JAK1: variants seen among roughly 807,000 people sequenced by gnomAD.
The protein encoded by JAK1 is tyrosine-protein kinase JAK1.
A neutral mutation model predicts 136.6 loss-of-function variants in JAK1; 16 were observed. The ratio of observed to expected loss-of-function variants is 0.12; its 90% CI spans 0.08 to 0.18. JAK1 has a LOEUF of 0.18. Among genes scored for constraint, JAK1 ranks in the 10% least tolerant of loss-of-function variants. JAK1 has a pLI of 1.00. For synonymous variants in JAK1, 492 were observed against 519.5 expected, an observed-to-expected ratio of 0.95 and a Z score of 0.72; for missense variants, 859 against 1,450.1, an observed-to-expected ratio of 0.59 and a Z score of 6.62.
At chr1:64,960,038 A>G (rs1272559734) in intron 1 of JAK1, among the ~76,000 whole-genome samples, 1 of 152,114 alleles carries the variant, frequency 6.6e-6, no homozygotes, top group East Asian at 1.9e-4. Flanking sequence ...ACCAGCCTGA[A>G]TAACAGAATG....
In JAK1 at chr1:64,834,392, T is replaced by C; in HGVS notation, c.*170A>G. ...TTTAAAGAGGAAGTCCTTACACATA[T>C]TAAGCACTACAGTGTGCCTTATACA... On this transcript the variant is annotated 3_prime_UTR_variant, in exon 25 of 25. Coordinates refer to ENST00000342505, the MANE Select transcript of JAK1 (RefSeq NM_002227.4). 2.0e-6 allele frequency: 1 copy of C among 510,956 alleles called. No individual in the cohort carries two copies. The highest frequency in any genetic ancestry group is 3.6e-6 in the Non-Finnish European group (1 of 280,800). The allele number at this position is 510,956 out of a possible 1,614,324, so 31.7% of individuals were successfully genotyped here.
intron 1 of JAK1, among the ~76,000 whole-genome samples, chr1:64,909,942 T>C (rs1645254329): frequency 6.6e-6 from 1 of 152,222 alleles, no homozygotes; most frequent in South Asian, 2.1e-4. Context: ...TGGAGGTAAT[T>C]TGCTCTCTTT....
chr1:64,866,805 A>G, intron 7 of JAK1, 61 bp downstream of exon 7: 1 of 1,270,656 alleles, frequency 7.9e-7, no homozygotes, highest in Non-Finnish European at 1.1e-6. Context: ...CAGAAGGATA[A>G]ACAGCATACG....
At chr1:65,056,166 C>G (rs1647526057) in intron 1 of JAK1, among the ~76,000 whole-genome samples, 1 of 152,194 alleles carries the variant, frequency 6.6e-6, no homozygotes, top group Admixed American at 6.5e-5. Flanking sequence ...TAAGAAAACT[C>G]CAAAGAATTT....
At chr1:65,047,642 C>T (rs1011756707) in intron 1 of JAK1, among the ~76,000 whole-genome samples, 1 of 151,962 alleles carries the variant, frequency 6.6e-6, no homozygotes, top group Non-Finnish European at 1.5e-5. Flanking sequence ...TGGCGTGAAC[C>T]TGGGAGGCGG....
chr1:64,887,337 C>T (rs1375938564), intron 1 of JAK1, among the ~76,000 whole-genome samples: 1 of 152,124 alleles, frequency 6.6e-6, no homozygotes, highest in African/African-American at 2.4e-5. Flanking sequence ...AATCACTGCA[C>T]AAAAGTTTTT....
At chr1:64,941,668 G>A (rs1285954510) in intron 1 of JAK1, among the ~76,000 whole-genome samples, 1 of 152,164 alleles carries the variant, frequency 6.6e-6, no homozygotes, top group African/African-American at 2.4e-5. Flanking sequence ...CCTACATTTT[G>A]AAAATGAAGA....
At chr1:64,878,852 T>C (rs1644723957) in intron 4 of JAK1, among the ~76,000 whole-genome samples, 173 bp downstream of exon 4, 1 of 152,164 alleles carries the variant, frequency 6.6e-6, no homozygotes, top group South Asian at 2.1e-4. Flanking sequence ...AAACTCATCT[T>C]GAATTGTATT....
chr1:65,065,840 G>A (rs1184273208), intron 1 of JAK1, among the ~76,000 whole-genome samples: 1 of 151,480 alleles, frequency 6.6e-6, no homozygotes, highest in African/African-American at 2.4e-5. Flanking sequence ...AGACCCAGAG[G>A]GGAATAAAAA....
chr1:65,045,773 G>T (rs1647177990), intron 1 of JAK1, among the ~76,000 whole-genome samples: 1 of 152,100 alleles, frequency 6.6e-6, no homozygotes, highest in Non-Finnish European at 1.5e-5. Context: ...TATCTCTCTT[G>T]CAAGTTTTTG....
intron 12 of JAK1, among the ~76,000 whole-genome samples, chr1:64,850,582 T>C (rs1655522403): frequency 6.6e-6 from 1 of 152,224 alleles, no homozygotes; most frequent in Non-Finnish European, 1.5e-5. Context: ...CCACAAAGCC[T>C]GACCAAACCA....
chr1:64,950,295 C>A (rs1334622766), intron 1 of JAK1, among the ~76,000 whole-genome samples: 1 of 151,918 alleles, frequency 6.6e-6, no homozygotes, highest in Non-Finnish European at 1.5e-5. Flanking sequence ...GTAGTCCCAG[C>A]TACTCTGGAG....
chr1:65,047,902 G>A (rs952316336), intron 1 of JAK1, among the ~76,000 whole-genome samples: 1 of 151,878 alleles, frequency 6.6e-6, no homozygotes, highest in African/African-American at 2.4e-5. Flanking sequence ...TGAAAGAATT[G>A]AGATAATACA....
intron 1 of JAK1, among the ~76,000 whole-genome samples, chr1:65,056,917 T>C (rs940462567): frequency 1.9e-5 from 2 of 105,794 alleles, no homozygotes; most frequent in African/African-American, 6.4e-5. Context: ...ACTGAGACTC[T>C]TTCTTTAAAA....
chr1:64,869,983 C>A (rs756271169), intron 5 of JAK1, among the ~76,000 whole-genome samples: 1 of 152,232 alleles, frequency 6.6e-6, no homozygotes, highest in East Asian at 1.9e-4. Flanking sequence ...ATCTACCGTT[C>A]GAGTTTCCCA....
Position 64,883,360 on chromosome 1 carries a change from TAGA to T in JAK1, c.119_121del (p.Phe40del), listed in dbSNP as rs1184565600. On this transcript the variant is annotated inframe_deletion, in exon 3 of 25. Transcript: ENST00000342505. The stretch of plus-strand genomic sequence containing the variant: ...CCGGAGGGGCTCCCTGTCCGACAGA[TAGA>T]AGATCACTTCCACCCCTGGCTCAGG... The T allele has an allele frequency of 1.9e-6, 3 of 1,614,206 alleles. No homozygotes were observed. Among genetic ancestry groups the T allele is most frequent in the Admixed American group, 3.3e-5 (2 of 60,032 alleles).
chr1:64,884,178 C>T (rs1294619732), intron 2 of JAK1, among the ~76,000 whole-genome samples: 1 of 152,090 alleles, frequency 6.6e-6, no homozygotes, highest in African/African-American at 2.4e-5. Context: ...GTTAGAAAAC[C>T]CTGGTGAAAA....
chr1:64,843,342 A>G (rs981120372), intron 17 of JAK1, among the ~76,000 whole-genome samples: 2 of 152,158 alleles, frequency 1.3e-5, no homozygotes, highest in Admixed American at 1.3e-4. Context: ...TGAAGGGACA[A>G]TGGTCTTTCA....
In JAK1 at chr1:64,866,011, C is replaced by T. The variant is rs546305466; in HGVS notation, c.990+855G>A. ...CTCGGCTCAAGTGATCTGCCTGCCT[C>T]AGCCTCCCAAAGTGCTGGGGTTACA... On this transcript the variant is annotated intron_variant, in intron 7 of 24. Transcript: ENST00000342505. 1.6e-4 allele frequency among the ~76,000 whole-genome samples: 25 copies of T among 152,316 alleles called. No individual in the cohort carries two copies. The South Asian group carries it at 5.0e-3, about 30-fold the overall frequency.
Sources: gnomAD v4.1 joint callset for allele counts (sites outside exome capture counted in the v4.1 genomes callset) on GRCh38, gnomAD v4.1.1 for gene constraint, MANE v1.5 for transcripts, NCBI Gene and HGNC (gene_info 2026-07-23, HGNC 2026-07-21) for gene names.